Variants in TBC1D16 observed in about 807,000 individuals in gnomAD.
TBC1D16 encodes the protein TBC1 domain family member 16, also known as CTD-2529O21.1.
TBC1D16 carries 58 observed loss-of-function variants against 74.7 expected under a neutral mutation model. The ratio of observed to expected loss-of-function variants is 0.78; its 90% CI spans 0.63 to 0.97. The LOEUF (loss-of-function observed/expected upper bound fraction) is 0.97, where lower values mean the gene tolerates loss of function less well. Ranked by LOEUF, TBC1D16 falls within the 50% of genes least tolerant of loss-of-function variation. The pLI, the probability that TBC1D16 is intolerant of heterozygous loss-of-function variation, is 0.00. For synonymous variants in TBC1D16, 493 were observed against 474.7 expected (o/e 1.04, Z -0.50); for missense variants, 1,014 against 1,079.5 (o/e 0.94, Z 0.85).
At chr17:80,029,075 C>T (rs1040195925) in intron 1 of TBC1D16, among the ~76,000 whole-genome samples, 5 of 152,198 alleles carry the variant, frequency 3.3e-5, no homozygotes, top group African/African-American at 1.2e-4. Flanking sequence ...GAAACTCCTC[C>T]ACCAGAGAGT....
At chr17:80,014,962 G>A (rs1390049976) in intron 1 of TBC1D16, among the ~76,000 whole-genome samples, 2 of 152,136 alleles carry the variant, frequency 1.3e-5, no homozygotes, top group African/African-American at 4.8e-5. Flanking sequence ...TGATGACTCT[G>A]CCTGGAGGAA....
intron 1 of TBC1D16, among the ~76,000 whole-genome samples, chr17:80,018,794 T>C (rs2036188026): frequency 6.7e-6 from 1 of 149,246 alleles, no homozygotes; most frequent in Admixed American, 6.6e-5. Flanking sequence ...AGAGATGAGG[T>C]TTCACTTTTT....
intron 3 of TBC1D16, among the ~76,000 whole-genome samples, chr17:80,006,065 C>A (rs1299914583): frequency 6.6e-6 from 1 of 152,166 alleles, no homozygotes; most frequent in Non-Finnish European, 1.5e-5. Flanking sequence ...AGACGCCCCA[C>A]CGCTCAGAGT....
At chr17:80,004,383 C>T (rs1421592213) in intron 3 of TBC1D16, among the ~76,000 whole-genome samples, 1 of 152,244 alleles carries the variant, frequency 6.6e-6, no homozygotes, top group African/African-American at 2.4e-5. Context: ...ATTTGACAGT[C>T]CTTGTCAATA....
In TBC1D16 at chr17:79,979,253, C is replaced by T. The variant is rs1007718734; in HGVS notation, c.780-26435G>A. 6.6e-5 allele frequency among the ~76,000 whole-genome samples: 10 copies of T among 151,180 alleles called. No homozygotes were observed. The highest frequency in any genetic ancestry group is 1.3e-4 in the Non-Finnish European group (9 of 67,742). ...ACCCACGCCTAGAGCACACACGCTC[C>T]GGGGATGCACACCCACGCCCAGAGC... is the stretch of plus-strand genomic sequence containing the variant. On this transcript the variant is annotated intron_variant, in intron 3 of 11. Transcript: ENST00000310924. The surrounding 1 kb of genome is among the most constrained non-coding windows in gnomAD (Gnocchi z 4.8).
At chr17:80,004,578 T>A (rs746989284) in intron 3 of TBC1D16, among the ~76,000 whole-genome samples, 5 of 152,236 alleles carry the variant, frequency 3.3e-5, no homozygotes, top group Non-Finnish European at 5.9e-5. Flanking sequence ...CCTTAGTCGG[T>A]CCACCTCCTC....
In TBC1D16 at chr17:80,007,704, GA is replaced by G. The variant is rs1328459762; in HGVS notation, c.779+2455del. Among the ~76,000 whole-genome samples the G allele has an allele frequency of 6.6e-6, 1 of 152,188 alleles. No homozygotes were observed. The highest frequency in any genetic ancestry group is 1.5e-5 in the Non-Finnish European group (1 of 68,040). ...TAAGCTGGCCGGTTAGGAGAGAGGG[GA>G]AGGAGGAAGCCTAGGTAGAGGGGAT... On this transcript the variant is annotated intron_variant, in intron 3 of 11. Transcript: ENST00000310924. The surrounding 1 kb of genome is among the most constrained non-coding windows in gnomAD (Gnocchi z 4.5).
At position 79,961,736 on chromosome 17, in the gene TBC1D16, G is replaced by A. The variant is rs932202998; in HGVS notation, c.780-8918C>T. On this transcript the variant is annotated intron_variant, in intron 3 of 11. Coordinates refer to ENST00000310924, the MANE Select transcript of TBC1D16 (RefSeq NM_019020.4). This position sits in a 1 kb window ranked among gnomAD's most constrained non-coding sequence, Gnocchi z 4.8. ...AAATCAGCCAGACGTGGTGGCGGGC[G>A]CCTATAATCCCAGCTACTCGGGAGG... 2.0e-5 allele frequency among the ~76,000 whole-genome samples: 3 copies of A among 152,080 alleles called. No individual in the cohort carries two copies. Among genetic ancestry groups the A allele is most frequent in the African/African-American group, 4.8e-5 (2 of 41,410 alleles).
intron 3 of TBC1D16, among the ~76,000 whole-genome samples, chr17:80,002,622 C>T (rs4074022): frequency 6.6e-6 from 1 of 152,044 alleles, no homozygotes; most frequent in African/African-American, 2.4e-5. Flanking sequence ...CTGGGAGGGT[C>T]GCTACGTTTC....
rs570084764 is a variant in TBC1D16, at chr17:80,020,013, T to C, written c.-62-6404A>G. Among the ~76,000 whole-genome samples the C allele has an allele frequency of 2.8e-4, 42 of 149,956 alleles. 1 individual carries two copies. In the South Asian group the frequency reaches 4.8e-3, roughly 17 times the overall value. On this transcript the variant is annotated intron_variant, in intron 1 of 11. Transcript: ENST00000310924. ...GGTGATCAAGTTACCTTGAGGTCAATATGACTGGTGTCTTTATAAAAAGAG... is the reference window on the plus strand; with the variant it reads ...GGTGATCAAGTTACCTTGAGGTCAACATGACTGGTGTCTTTATAAAAAGAG...
rs565660582 is a variant in TBC1D16, at chr17:79,995,826, A to G, written c.779+14334T>C. On this transcript the variant is annotated intron_variant, in intron 3 of 11. Transcript: ENST00000310924. ...AAAAAAACTTTCAGGATCTAGGACT[A>G]GGTCAGGAGTTCTTGAGCTTGACAT... Among the ~76,000 whole-genome samples the G allele has an allele frequency of 1.4e-3, 220 of 152,306 alleles. 1 individual carries two copies. Among genetic ancestry groups the G allele is most frequent in the Non-Finnish European group, 2.6e-3 (180 of 68,028 alleles).
chr17:79,950,687 C>G lies in TBC1D16; in HGVS notation c.1090-109G>C. 8 of 1,547,880 alleles carry G rather than the reference C, an allele frequency of 5.2e-6. No homozygotes were observed. Among genetic ancestry groups the G allele is most frequent in the Non-Finnish European group, 7.0e-6 (8 of 1,144,710 alleles). Reference sequence around the variant, plus strand: ...GCCTCTCTCTCTTCTGAAAGGAGGGCAAGGGCCGTCCCCTGCATACAAACC... The same window carrying G: ...GCCTCTCTCTCTTCTGAAAGGAGGGGAAGGGCCGTCCCCTGCATACAAACC... On this transcript the variant is annotated intron_variant, in intron 5 of 11. Coordinates refer to ENST00000310924, the MANE Select transcript of TBC1D16 (RefSeq NM_019020.4). The surrounding 1 kb of genome is among the most constrained non-coding windows in gnomAD (Gnocchi z 4.6).
intron 9 of TBC1D16, among the ~76,000 whole-genome samples, chr17:79,945,709 C>G (rs1480982895): frequency 6.6e-6 from 1 of 152,228 alleles, no homozygotes; most frequent in African/African-American, 2.4e-5. Context: ...CCCAGCCATG[C>G]GCTGCCATGA....
Position 79,940,895 on chromosome 17 carries a change from T to G in TBC1D16, c.2268A>C (p.Pro756=), listed in dbSNP as rs1376901389. The change falls in exon 12 of 12, where the codon CCA becomes CCC. Residue 756 remains proline, a synonymous_variant. Coordinates refer to ENST00000310924, the MANE Select transcript of TBC1D16 (RefSeq NM_019020.4). The surrounding 1 kb of genome is among the most constrained non-coding windows in gnomAD (Gnocchi z 5.4). ...PKSLREGKKG[P]KTPQDGFGFR... ...AGCCGAAGCCGTCCTGCGGCGTCTTTGGGCCCTTCTTGCCTTCCCTCAGGG... is the reference window on the plus strand; with the variant it reads ...AGCCGAAGCCGTCCTGCGGCGTCTTGGGGCCCTTCTTGCCTTCCCTCAGGG... 1 of 1,579,138 alleles carries G rather than the reference T, an allele frequency of 6.3e-7. No individual in the cohort carries two copies. Among genetic ancestry groups the G allele is most frequent in the East Asian group, 2.3e-5 (1 of 43,666 alleles).
rs367703127 is a variant in TBC1D16, at chr17:79,981,564, G to A, written c.779+28596C>T. Among the ~76,000 whole-genome samples, 155 of 152,316 alleles carry A rather than the reference G, an allele frequency of 1.0e-3. No homozygotes were observed. In the Middle Eastern group the frequency reaches 0.02, roughly 20 times the overall value. ...AGCACGCAGAGACATATTCAAGATC[G>A]TCGGTGATAAAGAAATGCGCATGAA... On this transcript the variant is annotated intron_variant, in intron 3 of 11. Coordinates refer to ENST00000310924, the MANE Select transcript of TBC1D16 (RefSeq NM_019020.4). This position sits in a 1 kb window ranked among gnomAD's most constrained non-coding sequence, Gnocchi z 6.9.
rs1282990576 is a variant in TBC1D16 at position 80,008,988 on chromosome 17, C to T, written c.779+1172G>A. Among the ~76,000 whole-genome samples, 1 of 152,224 alleles carries T rather than the reference C, an allele frequency of 6.6e-6. No individual in the cohort carries two copies. The highest frequency in any genetic ancestry group is 2.4e-5 in the African/African-American group (1 of 41,464). ...GGTTCACATCCCAGCTTGGCCCGGG[C>T]ACTGGCTGGGAGACCCCTGGCAAGC... On this transcript the variant is annotated intron_variant, in intron 3 of 11. Transcript: ENST00000310924. This position sits in a 1 kb window ranked among gnomAD's most constrained non-coding sequence, Gnocchi z 4.5.
In TBC1D16 at chr17:79,945,104, C is replaced by T; in HGVS notation, c.1729-17G>A. ...CAGGTACAGCTGGGGGTGAGGCCGTCACGCGTTAGTTAGCTCCGGTCCCAT... is the reference window on the plus strand; with the variant it reads ...CAGGTACAGCTGGGGGTGAGGCCGTTACGCGTTAGTTAGCTCCGGTCCCAT... On this transcript the variant is annotated splice_polypyrimidine_tract_variant and intron_variant, in intron 9 of 11. Transcript: ENST00000310924. 2 of 1,565,212 alleles carry T rather than the reference C, an allele frequency of 1.3e-6. No individual in the cohort carries two copies. Among genetic ancestry groups the T allele is most frequent in the Non-Finnish European group, 1.7e-6 (2 of 1,155,906 alleles).
chr17:79,945,420 G>C (rs377451991), intron 9 of TBC1D16, among the ~76,000 whole-genome samples: 1 of 152,166 alleles, frequency 6.6e-6, no homozygotes, highest in Non-Finnish European at 1.5e-5. Flanking sequence ...CACACTTGGG[G>C]GCTGTTTCCC....
chr17:79,949,825 T>TC lies in TBC1D16; in HGVS notation c.1297dup (p.Glu433GlyfsTer32). ...ATAGCGCAGCAGGAAGGGCCAGACCTCCCCGCGGATTGACACATCAATACC... is the reference window on the plus strand; with the variant it reads ...ATAGCGCAGCAGGAAGGGCCAGACCTCCCCCGCGGATTGACACATCAATACC... On this transcript the variant is annotated frameshift_variant, in exon 7 of 12. Coordinates refer to ENST00000310924, the MANE Select transcript of TBC1D16 (RefSeq NM_019020.4). LOFTEE classifies it high-confidence loss of function. The TC allele has an allele frequency of 2.5e-6, 4 of 1,613,512 alleles. No individual in the cohort carries two copies. The highest frequency in any genetic ancestry group is 3.4e-6 in the Non-Finnish European group (4 of 1,179,912).
Sources: gnomAD v4.1 joint callset for allele counts (sites outside exome capture counted in the v4.1 genomes callset) on GRCh38, gnomAD v4.1.1 for gene constraint, Gnocchi (gnomAD v3.1) non-coding constraint, MANE v1.5 for transcripts, NCBI Gene and HGNC (gene_info 2026-07-23, HGNC 2026-07-21) for gene names.